ZNF385D: variants seen among roughly 807,000 people sequenced by gnomAD.
ZNF385D encodes zinc finger protein 385D.
In ZNF385D, 15 loss-of-function variants were observed where a neutral mutation model predicts 35.8. The ratio of observed to expected loss-of-function variants is 0.42; its 90% CI spans 0.28 to 0.64. The LOEUF is 0.64. Ranked by LOEUF, ZNF385D falls within the 30% of genes least tolerant of loss-of-function variation. The probability of loss-of-function intolerance (pLI) is 0.23; values close to 1 mark genes in which losing one functional copy is unlikely to be tolerated. For missense variants in ZNF385D, 474 were observed against 494.6 expected, an observed-to-expected ratio of 0.96 and a Z score of 0.39; for synonymous variants, 212 against 186.8, an observed-to-expected ratio of 1.13 and a Z score of -1.10.
chr3:21,447,599 G>T (rs1190867135), intron 4 of ZNF385D, among the ~76,000 whole-genome samples: 1 of 152,186 alleles, frequency 6.6e-6, no homozygotes, highest in African/African-American at 2.4e-5. Flanking sequence ...ATGTGCCTTA[G>T]GTTAAAAGTA....
At chr3:22,144,572 CAAAAAAAAA>C (rs10536394) in intron 3 of ZNF385D, among the ~76,000 whole-genome samples, 11 of 67,586 alleles carry the variant, frequency 1.6e-4, no homozygotes, top group South Asian at 9.3e-4. Flanking sequence ...GACTCCATTT[CAAAAAAAAA>C]AAAAAAAAAA....
chr3:21,575,001 A>G (rs754174068), intron 2 of ZNF385D, among the ~76,000 whole-genome samples: 13 of 152,186 alleles, frequency 8.5e-5, no homozygotes, highest in Non-Finnish European at 1.8e-4. Context: ...CATTTTCTTA[A>G]CAAACATAAA....
At chr3:22,210,334 A>C (rs1349932714) in intron 2 of ZNF385D, among the ~76,000 whole-genome samples, 2 of 151,846 alleles carry the variant, frequency 1.3e-5, no homozygotes, top group African/African-American at 4.8e-5. Flanking sequence ...ATAAAATTTG[A>C]ATGGTGGTTC....
At chr3:21,602,671 T>C (rs548294971) in intron 2 of ZNF385D, among the ~76,000 whole-genome samples, 61 of 150,812 alleles carry the variant, frequency 4.0e-4, no homozygotes, top group South Asian at 6.3e-4. Flanking sequence ...TAGCTGGGAC[T>C]ACAGGCGCCC....
At chr3:22,237,199 T>G (rs1699234361) in intron 2 of ZNF385D, among the ~76,000 whole-genome samples, 1 of 152,128 alleles carries the variant, frequency 6.6e-6, no homozygotes, top group South Asian at 2.1e-4. Flanking sequence ...AATATCCTTT[T>G]TTTTTTATTA....
At chr3:21,927,279 T>G (rs934277821) in intron 3 of ZNF385D, among the ~76,000 whole-genome samples, 2 of 152,100 alleles carry the variant, frequency 1.3e-5, no homozygotes, top group African/African-American at 4.8e-5. Flanking sequence ...ATCTCTTTTT[T>G]TTTAATATAT....
chr3:22,133,579 T>A (rs1703931084), intron 3 of ZNF385D: 1 of 152,076 alleles, frequency 6.6e-6, no homozygotes, highest in Non-Finnish European at 1.5e-5. Flanking sequence ...ATAAGCACAT[T>A]ACTTAATTTT....
At chr3:21,761,854 A>G (rs2070624810) in intron 3 of ZNF385D, among the ~76,000 whole-genome samples, 1 of 145,006 alleles carries the variant, frequency 6.9e-6, no homozygotes, top group Admixed American at 6.9e-5. Context: ...TTATGATTTC[A>G]AGAGCATTTT....
chr3:22,078,926 T>A (rs1402523921), intron 3 of ZNF385D, among the ~76,000 whole-genome samples: 1 of 152,046 alleles, frequency 6.6e-6, no homozygotes, highest in Non-Finnish European at 1.5e-5. Flanking sequence ...TGTCAAAAAA[T>A]GTGTGGAAAT....
intron 2 of ZNF385D, among the ~76,000 whole-genome samples, chr3:22,193,307 G>A (rs1696184902): frequency 6.6e-6 from 1 of 151,992 alleles, no homozygotes; most frequent in African/African-American, 2.4e-5. Flanking sequence ...TATTGAGGCA[G>A]TAATTTGAGC....
intron 3 of ZNF385D, among the ~76,000 whole-genome samples, chr3:21,970,939 A>G (rs1022949753): frequency 6.6e-6 from 1 of 152,052 alleles, no homozygotes; most frequent in Non-Finnish European, 1.5e-5. Context: ...GAAAAAAAAA[A>G]CTTTCATCTT....
chr3:21,615,304 T>C (rs1160017422), intron 2 of ZNF385D, among the ~76,000 whole-genome samples: 1 of 152,160 alleles, frequency 6.6e-6, no homozygotes, highest in South Asian at 2.1e-4. Context: ...CTGCCATGAT[T>C]GGAAGCTTCC....
chr3:22,160,212 A>C (rs1705857421), intron 3 of ZNF385D, among the ~76,000 whole-genome samples: 1 of 152,120 alleles, frequency 6.6e-6, no homozygotes. Flanking sequence ...TCTGTATAGC[A>C]GTATGAAAAT....
intron 2 of ZNF385D, among the ~76,000 whole-genome samples, chr3:22,316,476 T>C (rs1703892755): frequency 6.6e-6 from 1 of 152,144 alleles, no homozygotes; most frequent in Non-Finnish European, 1.5e-5. Context: ...AATAAAACAG[T>C]TGAGACAAAA....
chr3:21,457,972 C>T (rs1702923225), intron 4 of ZNF385D, among the ~76,000 whole-genome samples: 1 of 152,032 alleles, frequency 6.6e-6, no homozygotes, highest in Non-Finnish European at 1.5e-5. Context: ...TATTATTCTG[C>T]TAGGTCAGAA....
chr3:21,895,360 C>G (rs1452497270), intron 3 of ZNF385D, among the ~76,000 whole-genome samples: 1 of 124,946 alleles, frequency 8.0e-6, no homozygotes, highest in Non-Finnish European at 1.6e-5. Flanking sequence ...CAGAGTCTCA[C>G]TCTGTCACCC....
chr3:21,865,606 G>T (rs572523151), intron 3 of ZNF385D, among the ~76,000 whole-genome samples: 3 of 152,024 alleles, frequency 2.0e-5, no homozygotes, highest in Non-Finnish European at 4.4e-5. Context: ...TCTTTATCAA[G>T]AACTTGCTTT....
At chr3:21,852,683 C>T (rs1050590101) in intron 3 of ZNF385D, among the ~76,000 whole-genome samples, 6 of 151,600 alleles carry the variant, frequency 4.0e-5, no homozygotes, top group African/African-American at 1.5e-4. Flanking sequence ...TATGTCATTA[C>T]TAAAAAATTG....
intron 1 of ZNF385D, among the ~76,000 whole-genome samples, chr3:21,669,287 A>C (rs1447890970): frequency 6.6e-6 from 1 of 152,200 alleles, no homozygotes; most frequent in Admixed American, 6.6e-5. Flanking sequence ...CTGAATAATT[A>C]ATGTAAACTA....
Sources: allele counts gnomAD v4.1 joint callset (sites outside exome capture counted in the v4.1 genomes callset), GRCh38; gene constraint gnomAD v4.1.1; transcripts MANE v1.5; gene names NCBI Gene and HGNC (gene_info 2026-07-23, HGNC 2026-07-21).